Variants in ATXN2 observed in about 807,000 individuals in gnomAD.
ATXN2 encodes ataxin 2, also known as ataxin-2.
ATXN2 carries 37 observed loss-of-function variants against 138.6 expected under a neutral mutation model. That is an observed-to-expected ratio of 0.27 (90% confidence interval 0.21 to 0.35). ATXN2 has a LOEUF of 0.35. ATXN2 is among the 10% of genes least tolerant of loss of function. The pLI is 1.00. For synonymous variants in ATXN2, 549 were observed against 543.7 expected (o/e 1.01, Z -0.13); for missense variants, 1,216 against 1,480.3 (o/e 0.82, Z 2.93).
rs541567689 is a variant in ATXN2 at position 111,577,624 on chromosome 12, T to C, written c.251+21160A>G. ...TGATCAACCAGTAAGTTAAGGTAAA[T>C]TTACTCTTAAAGAAAGATATTTTTG... On this transcript the variant is annotated intron_variant, in intron 1 of 24. Coordinates refer to ENST00000673436, the MANE Select transcript of ATXN2 (RefSeq NM_001372574.1). Among the ~76,000 whole-genome samples, 168 of 152,144 alleles carry C rather than the reference T, an allele frequency of 1.1e-3. 4 individuals carry two copies. The highest frequency in any genetic ancestry group is 6.8e-3 in the Middle Eastern group (2 of 292).
chr12:111,571,965 T>C (rs1027365024), intron 1 of ATXN2, among the ~76,000 whole-genome samples: 7 of 147,918 alleles, frequency 4.7e-5, no homozygotes, highest in South Asian at 4.2e-4. Context: ...TGAGCCAAGA[T>C]TGCACCACTG....
chr12:111,588,307 G>C (rs892414823), intron 1 of ATXN2, among the ~76,000 whole-genome samples: 1 of 152,110 alleles, frequency 6.6e-6, no homozygotes, highest in African/African-American at 2.4e-5. Flanking sequence ...AAATGTTAAT[G>C]AGAATTTCAA....
At chr12:111,461,790 G>A (rs1875602732) in intron 21 of ATXN2, among the ~76,000 whole-genome samples, 1 of 152,024 alleles carries the variant, frequency 6.6e-6, no homozygotes, top group African/African-American at 2.4e-5. Flanking sequence ...GGGTGTGGCA[G>A]CAGGCGCCTG....
At chr12:111,500,899 AT>A (rs1459091662) in intron 14 of ATXN2, among the ~76,000 whole-genome samples, 2 of 152,196 alleles carry the variant, frequency 1.3e-5, no homozygotes, top group Non-Finnish European at 2.9e-5. Context: ...TAAGTTTAAA[AT>A]TTAAAAAGTT....
chr12:111,520,599 C>T (rs1042558117), intron 7 of ATXN2, among the ~76,000 whole-genome samples: 4 of 151,890 alleles, frequency 2.6e-5, no homozygotes, highest in African/African-American at 9.7e-5. Context: ...TGCAGTGAGC[C>T]GAGATTGCAC....
intron 5 of ATXN2, among the ~76,000 whole-genome samples, chr12:111,542,204 T>TC (rs1881558043): frequency 7.1e-6 from 1 of 141,360 alleles, no homozygotes; most frequent in Non-Finnish European, 1.6e-5. Context: ...TGTGTCTTCA[T>TC]AAATCTTCAA....
chr12:111,472,116 T>C (rs1243548569), intron 18 of ATXN2, among the ~76,000 whole-genome samples: 2 of 151,918 alleles, frequency 1.3e-5, no homozygotes, highest in African/African-American at 4.8e-5. Flanking sequence ...AATACAAAAA[T>C]ATTAGCCAGC....
chr12:111,576,117 TAA>T (rs1357230025), intron 1 of ATXN2, among the ~76,000 whole-genome samples: 65 of 138,276 alleles, frequency 4.7e-4, no homozygotes, highest in South Asian at 1.7e-3. Context: ...TAACATAACA[TAA>T]CATAACATAA....
At chr12:111,544,956 G>A (rs935735125) in intron 5 of ATXN2, among the ~76,000 whole-genome samples, 7 of 151,716 alleles carry the variant, frequency 4.6e-5, no homozygotes, top group African/African-American at 1.7e-4. Flanking sequence ...TCAGGAGATC[G>A]AGACCATCCT....
At chr12:111,506,758 TC>T (rs1253336000) in intron 14 of ATXN2, among the ~76,000 whole-genome samples, 2 of 151,016 alleles carry the variant, frequency 1.3e-5, no homozygotes, top group African/African-American at 4.9e-5. Flanking sequence ...CACTGCAACC[TC>T]CCTGCCTGAT....
At chr12:111,479,443 G>A (rs1262468239) in intron 18 of ATXN2, among the ~76,000 whole-genome samples, 1 of 148,908 alleles carries the variant, frequency 6.7e-6, no homozygotes, top group African/African-American at 2.5e-5. Flanking sequence ...TTAGCCAGGT[G>A]TGGTGGCACG....
Position 111,552,819 on chromosome 12 carries a change from T to C in ATXN2, c.420+87A>G, listed in dbSNP as rs931993624. Reference sequence around the variant, plus strand: ...TATTTGAAACTGAGAAGTAAAATCATTCAAAGTGGCTTTAAAAACTAGGTA... The same window carrying C: ...TATTTGAAACTGAGAAGTAAAATCACTCAAAGTGGCTTTAAAAACTAGGTA... On this transcript the variant is annotated intron_variant, in intron 4 of 24. Transcript: ENST00000673436. This position sits in a 1 kb window ranked among gnomAD's most constrained non-coding sequence, Gnocchi z 4.1. 2.2e-6 allele frequency: 2 copies of C among 888,918 alleles called. No homozygotes were observed. The highest frequency in any genetic ancestry group is 3.4e-6 in the Non-Finnish European group (2 of 594,140). 55.1% of individuals were successfully genotyped at this position (888,918 alleles called of 1,614,324 possible). A position where few individuals can be genotyped will look rare whatever the true frequency, so the allele number is the denominator to read the frequency against.
At chr12:111,580,688 A>T in intron 1 of ATXN2, among the ~76,000 whole-genome samples, 1 of 74,038 alleles carries the variant, frequency 1.4e-5, no homozygotes, top group Admixed American at 1.7e-4. Flanking sequence ...GGGGAGAGAG[A>T]AGGGGAGGGA....
At chr12:111,589,788 G>A (rs1332515654) in intron 1 of ATXN2, among the ~76,000 whole-genome samples, 5 of 152,042 alleles carry the variant, frequency 3.3e-5, no homozygotes, top group African/African-American at 7.2e-5. Flanking sequence ...GCATAGTGGC[G>A]CATGCCTGTG....
At chr12:111,562,417 A>C (rs552659893) in intron 1 of ATXN2, among the ~76,000 whole-genome samples, 103 of 151,624 alleles carry the variant, frequency 6.8e-4, no homozygotes, top group African/African-American at 2.3e-3. Flanking sequence ...GCAGGACTCT[A>C]TCTCTTAAAA....
At chr12:111,567,241 C>A (rs1397073308) in intron 1 of ATXN2, among the ~76,000 whole-genome samples, 1 of 152,110 alleles carries the variant, frequency 6.6e-6, no homozygotes, top group Non-Finnish European at 1.5e-5. Flanking sequence ...GTGGCTCACA[C>A]TTGTAATCCC....
rs1297120843 is a variant in ATXN2, at chr12:111,598,991, TGC to T, written c.42_43del (p.Gln15AlafsTer74). On this transcript the variant is annotated frameshift_variant, in exon 1 of 25. Transcript: ENST00000673436. LOFTEE classifies it high-confidence loss of function. This position sits in a 1 kb window ranked among gnomAD's most constrained non-coding sequence, Gnocchi z 4.5. Reference sequence around the variant, plus strand: ...CTGCTGCTGCTGTTGCTGCTGCTGCTGCTGCTGCTGCTGCTGCTGCTGCTGCT... The same window carrying T: ...CTGCTGCTGCTGTTGCTGCTGCTGCTTGCTGCTGCTGCTGCTGCTGCTGCT... 66 of 1,470,858 alleles carry T rather than the reference TGC, an allele frequency of 4.5e-5. No homozygotes were observed. The highest frequency in any genetic ancestry group is 2.7e-4 in the East Asian group (10 of 36,390). The allele number at this position is 1,470,858 out of a possible 1,614,324, so 91.1% of individuals were successfully genotyped here.
At position 111,486,618 on chromosome 12, in the gene ATXN2, A is replaced by C. The variant is rs12301101; in HGVS notation, c.2304+143T>G. 0.034 allele frequency: 21,863 copies of C among 648,290 alleles called. 3,528 individuals are homozygous for C. The African/African-American group carries it at 0.35, about 10-fold the overall frequency. The allele number at this position is 648,290 out of a possible 1,614,324, so 40.2% of individuals were successfully genotyped here. ...TTTTTTTAATGTTTAAAAAGTATTC[A>C]TTAATGGCCATGTAAAAAAAAGAAA... On this transcript the variant is annotated intron_variant, in intron 16 of 24. Transcript: ENST00000673436.
chr12:111,530,807 C>T (rs1880779113), intron 5 of ATXN2, among the ~76,000 whole-genome samples: 3 of 150,816 alleles, frequency 2.0e-5, no homozygotes, highest in Non-Finnish European at 4.4e-5. Context: ...GAGCGAGACT[C>T]CATCTCAAAA....
Sources: gnomAD v4.1 joint callset for allele counts (sites outside exome capture counted in the v4.1 genomes callset) on GRCh38, gnomAD v4.1.1 for gene constraint, Gnocchi (gnomAD v3.1) non-coding constraint, MANE v1.5 for transcripts, NCBI Gene and HGNC (gene_info 2026-07-23, HGNC 2026-07-21) for gene names.